Variants in PLCG1 observed in about 807,000 individuals in gnomAD.
PLCG1 encodes phospholipase C gamma 1.
A neutral mutation model predicts 177.8 loss-of-function variants in PLCG1; 71 were observed. The observed-to-expected ratio is 0.40, with a 90% CI of 0.33 to 0.49. The LOEUF is 0.49. Among genes scored for constraint, PLCG1 ranks in the 20% least tolerant of loss-of-function variants. The pLI is 0.72. For missense variants in PLCG1, 1,281 were observed against 1,709.0 expected, an observed-to-expected ratio of 0.75 and a Z score of 4.42; for synonymous variants, 658 against 647.9, an observed-to-expected ratio of 1.02 and a Z score of -0.24.
chr20:41,155,826 G>A (rs2146024249), intron 1 of PLCG1, among the ~76,000 whole-genome samples: 1 of 152,272 alleles, frequency 6.6e-6, no homozygotes, highest in South Asian at 2.1e-4. Context: ...GGCCCTCACA[G>A]CAACCATGTG....
chr20:41,164,221 A>T lies in PLCG1; in HGVS notation c.1217+20A>T, dbSNP rs1308815896. The T allele has an allele frequency of 1.2e-5, 20 of 1,613,538 alleles. No homozygotes were observed. Among genetic ancestry groups the T allele is most frequent in the Non-Finnish European group, 7.6e-6 (9 of 1,179,750 alleles). On this transcript the variant is annotated intron_variant, in intron 12 of 31. Transcript: ENST00000685551. This position sits in a 1 kb window ranked among gnomAD's most constrained non-coding sequence, Gnocchi z 6.4. ...CTCAGAGTGAGTCGGAGGCTGGATG[A>T]CCCAGGGGTTAACTTGGCTCCAGGT...
rs759744870 is a variant in PLCG1 at position 41,172,847 on chromosome 20, C to T, written c.3249C>T (p.Arg1083=). 11 of 1,613,978 alleles carry T rather than the reference C, an allele frequency of 6.8e-6. No homozygotes were observed. Among genetic ancestry groups the T allele is most frequent in the East Asian group, 2.2e-5 (1 of 44,894 alleles). The change falls in exon 27 of 32, where the codon CGC becomes CGT. Residue 1083 remains arginine (R), a synonymous_variant. Coordinates refer to ENST00000685551, the MANE Select transcript of PLCG1 (RefSeq NM_002660.3). This position sits in a 1 kb window ranked among gnomAD's most constrained non-coding sequence, Gnocchi z 7.0. ...AFDPFDKSSL[R]GLEPCAISIE... ...ACCCCTTTGACAAGAGCAGCCTCCG[C>T]GGGCTGGAGCCATGTGCCATCTCTA...
At position 41,174,422 on chromosome 20, in the gene PLCG1, G is replaced by A. The variant is rs1265705100; in HGVS notation, c.3834-45G>A. On this transcript the variant is annotated intron_variant, in intron 31 of 31. Coordinates refer to ENST00000685551, the MANE Select transcript of PLCG1 (RefSeq NM_002660.3). The surrounding 1 kb of genome is among the most constrained non-coding windows in gnomAD (Gnocchi z 5.8). ...TTGTAATATTGTCTGGCATTGGGCT[G>A]CAAGGCCCTGCCTGCCAGTAAGGAC... 8 of 1,588,424 alleles carry A rather than the reference G, an allele frequency of 5.0e-6. No homozygotes were observed. Among genetic ancestry groups the A allele is most frequent in the African/African-American group, 1.3e-5 (1 of 74,530 alleles).
chr20:41,168,537 G>A (rs1323476934), intron 20 of PLCG1, among the ~76,000 whole-genome samples: 1 of 152,244 alleles, frequency 6.6e-6, no homozygotes, highest in Non-Finnish European at 1.5e-5. Flanking sequence ...CCTGGGTCCC[G>A]AGGTATTTCA....
rs756766357 is a variant in PLCG1, at chr20:41,163,985, A to G, written c.1075A>G (p.Met359Val). The change falls in exon 11 of 32, where the codon ATG becomes GTG. Residue 359 changes from methionine to valine, a missense_variant. Physicochemically the swap from Met to Val is conservative, Grantham distance 21. Coordinates refer to ENST00000685551, the MANE Select transcript of PLCG1 (RefSeq NM_002660.3). This position sits in a 1 kb window ranked among gnomAD's most constrained non-coding sequence, Gnocchi z 5.2. The part of the protein sequence containing the change: ...SLEAYARCLR[M>V]GCRCIELDCW... ...GGAAGCCTATGCTCGCTGCCTGCGG[A>G]TGGGCTGTCGCTGCATTGAGTGTGC... The G allele has an allele frequency of 1.9e-6, 3 of 1,614,074 alleles. No homozygotes were observed. The highest frequency in any genetic ancestry group is 2.5e-6 in the Non-Finnish European group (3 of 1,179,996).
rs1442120440 is a variant in PLCG1, at chr20:41,172,162, T to C, written c.2809-31T>C. 1 of 1,534,658 alleles carries C rather than the reference T, an allele frequency of 6.5e-7. No homozygotes were observed. Among genetic ancestry groups the C allele is most frequent in the East Asian group, 2.2e-5 (1 of 44,500 alleles). ...CCTTCTCCTGGGCAGGGCTGTAGCC[T>C]GGGGCTACAGGGCCTTGTGTGTGTC... On this transcript the variant is annotated intron_variant, in intron 24 of 31. Transcript: ENST00000685551. The surrounding 1 kb of genome is among the most constrained non-coding windows in gnomAD (Gnocchi z 7.0).
rs2034986852 is a variant in PLCG1 at position 41,146,075 on chromosome 20, G to T, written c.217+8217G>T. Reference sequence around the variant, plus strand: ...GTATAGGCTCTGCTGCTTCCTTCCGGCCCTGGCCCTTCCTGGTGTTGGCCG... The same window carrying T: ...GTATAGGCTCTGCTGCTTCCTTCCGTCCCTGGCCCTTCCTGGTGTTGGCCG... On this transcript the variant is annotated intron_variant, in intron 1 of 31. Transcript: ENST00000685551. This position sits in a 1 kb window ranked among gnomAD's most constrained non-coding sequence, Gnocchi z 6.3. Among the ~76,000 whole-genome samples, 1 of 152,194 alleles carries T rather than the reference G, an allele frequency of 6.6e-6. No homozygotes were observed. The highest frequency in any genetic ancestry group is 2.4e-5 in the African/African-American group (1 of 41,452).
At position 41,174,195 on chromosome 20, in the gene PLCG1, G is replaced by C. The variant is rs1191927021; in HGVS notation, c.3717G>C (p.Gln1239His). The change falls in exon 31 of 32, where the codon CAG becomes CAC. Residue 1239 changes from glutamine (Q) to histidine (H), a missense_variant. Gln to His is a conservative substitution (Grantham distance 24, BLOSUM62 0). Around this residue, in one of 4 missense-constraint regions of PLCG1, gnomAD observed 153 missense variants for 153.2 expected, o/e 1.00. Transcript: ENST00000685551. This position sits in a 1 kb window ranked among gnomAD's most constrained non-coding sequence, Gnocchi z 5.8. The stretch of plus-strand genomic sequence containing the variant: ...AGCGGGGCTCAGATGCCTCAGGCCA[G>C]CTGTTTCATGGCCGAGCCCGGGAAG... ...LRERGSDASG[Q>H]LFHGRAREGS... The C allele has an allele frequency of 4.3e-6, 7 of 1,614,130 alleles. No individual in the cohort carries two copies. The South Asian group carries it at 6.6e-5, about 15-fold the overall frequency.
Position 41,146,133 on chromosome 20 carries a change from G to T in PLCG1, c.217+8275G>T, listed in dbSNP as rs1051914887. 6.6e-6 allele frequency among the ~76,000 whole-genome samples: 1 copy of T among 152,244 alleles called. No individual in the cohort carries two copies. Among genetic ancestry groups the T allele is most frequent in the Non-Finnish European group, 1.5e-5 (1 of 68,044 alleles). The stretch of plus-strand genomic sequence containing the variant: ...TGGCTTCAGCAAGACTCAGGATGCA[G>T]AGTAAACGGGGCAGGGCGTTCTCCT... On this transcript the variant is annotated intron_variant, in intron 1 of 31. Transcript: ENST00000685551. The surrounding 1 kb of genome is among the most constrained non-coding windows in gnomAD (Gnocchi z 6.3).
intron 1 of PLCG1, among the ~76,000 whole-genome samples, chr20:41,140,195 G>A (rs1316623076): frequency 6.6e-6 from 1 of 152,196 alleles, no homozygotes; most frequent in Non-Finnish European, 1.5e-5. Flanking sequence ...GAGGATGTAG[G>A]AGGACCCTGG....
At position 41,150,744 on chromosome 20, in the gene PLCG1, A is replaced by G. The variant is rs1031861488; in HGVS notation, c.218-8862A>G. On this transcript the variant is annotated intron_variant, in intron 1 of 31. Transcript: ENST00000685551. The surrounding 1 kb of genome is among the most constrained non-coding windows in gnomAD (Gnocchi z 4.0). ...CTCCTGCACCTCTGTCTTGGTTTCC[A>G]TGAACCCCTCTGCCCAATGTGTGCT... 6.6e-6 allele frequency among the ~76,000 whole-genome samples: 1 copy of G among 152,104 alleles called. No homozygotes were observed. Among genetic ancestry groups the G allele is most frequent in the Non-Finnish European group, 1.5e-5 (1 of 68,020 alleles).
chr20:41,140,541 G>C (rs993238226), intron 1 of PLCG1, among the ~76,000 whole-genome samples: 1 of 152,222 alleles, frequency 6.6e-6, no homozygotes, highest in Non-Finnish European at 1.5e-5. Context: ...GGGAGAGACA[G>C]TGTGGTTTAA....
At chr20:41,169,055 G>A (rs1347926820) in intron 21 of PLCG1, 24 bp from the exon 22 acceptor site, 5 of 1,583,752 alleles carry the variant, frequency 3.2e-6, no homozygotes, top group Non-Finnish European at 4.3e-6. Context: ...GTTGCTGGAG[G>A]TCAGCACCCT....
chr20:41,145,112 T>C (rs1471586241), intron 1 of PLCG1, among the ~76,000 whole-genome samples: 1 of 152,094 alleles, frequency 6.6e-6, no homozygotes, highest in East Asian at 1.9e-4. Context: ...TCAGGGTAGG[T>C]GAGGGTGTGC....
intron 21 of PLCG1, 48 bp from the exon 22 acceptor site, chr20:41,169,031 G>A (rs750351009): frequency 2.1e-6 from 3 of 1,447,318 alleles, no homozygotes; most frequent in Non-Finnish European, 2.9e-6. Context: ...CCCTCCTCAT[G>A]GGAGTTCGGG....
chr20:41,161,868 T>C (rs1413833070), intron 4 of PLCG1, among the ~76,000 whole-genome samples: 1 of 152,148 alleles, frequency 6.6e-6, no homozygotes, highest in Non-Finnish European at 1.5e-5. Flanking sequence ...CTCAGTTTCT[T>C]TCCTGGAGCC....
chr20:41,163,825 G>A lies in PLCG1; in HGVS notation c.1002G>A (p.Ser334=), dbSNP rs1222263014. The A allele has an allele frequency of 1.1e-5, 17 of 1,612,690 alleles. No individual in the cohort carries two copies. In the East Asian group the frequency reaches 1.8e-4, roughly 17 times the overall value. Residue 334 remains serine, a synonymous_variant, in exon 10 of 32, where the codon TCG becomes TCA. Transcript: ENST00000685551. This position sits in a 1 kb window ranked among gnomAD's most constrained non-coding sequence, Gnocchi z 5.2. The part of the protein sequence containing the change: ...NPLSHYWISS[S]HNTYLTGDQF... ...TTTCCCACTACTGGATCTCCTCCTC[G>A]CACAACACGTGAGTGTGGCTCCTTC...
chr20:41,156,636 C>G lies in PLCG1; in HGVS notation c.218-2970C>G, dbSNP rs2035330151. ...CCAGAGTTCCCCTGAATGTTGTCCT[C>G]TCATGGTTCTGAGTTGGGGAGGAGT... On this transcript the variant is annotated intron_variant, in intron 1 of 31. Coordinates refer to ENST00000685551, the MANE Select transcript of PLCG1 (RefSeq NM_002660.3). This position sits in a 1 kb window ranked among gnomAD's most constrained non-coding sequence, Gnocchi z 5.0. Among the ~76,000 whole-genome samples, 2 of 152,214 alleles carry G rather than the reference C, an allele frequency of 1.3e-5. No individual in the cohort carries two copies. The highest frequency in any genetic ancestry group is 4.8e-5 in the African/African-American group (2 of 41,436).
intron 24 of PLCG1, chr20:41,170,570 T>C (rs2035865922): frequency 3.2e-6 from 1 of 317,228 alleles, no homozygotes; most frequent in Non-Finnish European, 5.8e-6. Context: ...GAAGCAGGAG[T>C]GGAGTGGGGG....
Sources: allele counts gnomAD v4.1 joint callset (sites outside exome capture counted in the v4.1 genomes callset), GRCh38; gene constraint gnomAD v4.1.1; regional missense constraint gnomAD v4.1.1; non-coding constraint Gnocchi (gnomAD v3.1); transcripts MANE v1.5; gene names NCBI Gene and HGNC (gene_info 2026-07-23, HGNC 2026-07-21).